The following FNDC3A variants were observed in gnomAD, a reference collection of about 807,000 sequenced individuals.
The protein encoded by FNDC3A is fibronectin type-III domain-containing protein 3A.
In FNDC3A, 32 loss-of-function variants were observed where a neutral mutation model predicts 148.9. The observed-to-expected ratio is 0.21, with a 90% confidence interval of 0.16 to 0.29. The LOEUF is 0.29. FNDC3A is among the 10% of genes least tolerant of loss of function. The probability of loss-of-function intolerance (pLI) is 1.00; values close to 1 mark genes in which losing one functional copy is unlikely to be tolerated. For synonymous variants in FNDC3A, 472 were observed against 473.6 expected (o/e 1.00, Z 0.04); for missense variants, 1,191 against 1,452.8 (o/e 0.82, Z 2.93).
intron 2 of FNDC3A, among the ~76,000 whole-genome samples, chr13:49,020,525 G>C (rs1873240885): frequency 6.6e-6 from 1 of 152,226 alleles, no homozygotes; most frequent in African/African-American, 2.4e-5. Context: ...TCACAGGTTT[G>C]CTGTGGCTGT....
intron 2 of FNDC3A, among the ~76,000 whole-genome samples, chr13:49,013,895 A>G (rs182762765): frequency 4.0e-5 from 6 of 151,454 alleles, no homozygotes; most frequent in South Asian, 2.1e-4. Flanking sequence ...ATGATTTCCA[A>G]TTTCATCCAT....
chr13:49,037,719 C>A (rs982163870), intron 2 of FNDC3A, among the ~76,000 whole-genome samples: 1 of 152,210 alleles, frequency 6.6e-6, no homozygotes, highest in African/African-American at 2.4e-5. Flanking sequence ...CAGAGGCATG[C>A]CTCTCTGTTC....
rs1593761421 is a variant in FNDC3A at position 49,209,754 on chromosome 13, A to T, written c.*2359A>T. On this transcript the variant is annotated 3_prime_UTR_variant, in exon 26 of 26. Coordinates refer to ENST00000492622, the MANE Select transcript of FNDC3A (RefSeq NM_001079673.2). Reference sequence around the variant, plus strand: ...ATATTTATTATATAAAGCCCAGTAAAGAATAAAATTAGAAGTTTTATCCTA... The same window carrying T: ...ATATTTATTATATAAAGCCCAGTAATGAATAAAATTAGAAGTTTTATCCTA... The T allele has an allele frequency of 6.6e-6, 1 of 152,242 alleles. No individual in the cohort carries two copies. 9.4% of individuals were successfully genotyped at this position (152,242 alleles called of 1,614,324 possible). A position where few individuals can be genotyped will look rare whatever the true frequency, so the allele number is the denominator to read the frequency against.
chr13:49,146,254 A>C (rs1218097268), intron 8 of FNDC3A: 5 of 211,168 alleles, frequency 2.4e-5, no homozygotes, highest in Non-Finnish European at 4.7e-5. Flanking sequence ...CATGACCAAA[A>C]ATGGACAATT....
At chr13:49,025,404 G>A (rs887793620) in intron 2 of FNDC3A, among the ~76,000 whole-genome samples, 8 of 151,938 alleles carry the variant, frequency 5.3e-5, no homozygotes, top group African/African-American at 1.7e-4. Flanking sequence ...ACATTCTAAA[G>A]TAATTCTTTA....
At chr13:49,011,136 T>C (rs571408051) in intron 2 of FNDC3A, among the ~76,000 whole-genome samples, 1 of 152,290 alleles carries the variant, frequency 6.6e-6, no homozygotes, top group Non-Finnish European at 1.5e-5. Flanking sequence ...AATCAAACTG[T>C]TAATATATAT....
At chr13:49,030,802 A>C (rs1426049900) in intron 2 of FNDC3A, among the ~76,000 whole-genome samples, 1 of 152,216 alleles carries the variant, frequency 6.6e-6, no homozygotes, top group African/African-American at 2.4e-5. Context: ...TAATGAAAGA[A>C]ATATAAGATG....
intron 1 of FNDC3A, among the ~76,000 whole-genome samples, chr13:49,005,352 A>T (rs1952201873): frequency 6.6e-6 from 1 of 151,928 alleles, no homozygotes; most frequent in Admixed American, 6.6e-5. Flanking sequence ...ATTTATGATT[A>T]TACTCAATTT....
chr13:49,019,932 A>T (rs1158394882), intron 2 of FNDC3A, among the ~76,000 whole-genome samples: 1 of 152,202 alleles, frequency 6.6e-6, no homozygotes, highest in African/African-American at 2.4e-5. Flanking sequence ...TTGTTCAGTG[A>T]AATCTTCTGA....
intron 2 of FNDC3A, among the ~76,000 whole-genome samples, chr13:49,055,152 G>T (rs993794561): frequency 7.9e-5 from 12 of 151,620 alleles, no homozygotes; most frequent in Non-Finnish European, 1.3e-4. Flanking sequence ...TGCCCAGGCT[G>T]GGGTGCGGTG....
chr13:48,983,370 G>A (rs1951729949), intron 1 of FNDC3A, among the ~76,000 whole-genome samples: 1 of 152,110 alleles, frequency 6.6e-6, no homozygotes, highest in African/African-American at 2.4e-5. Context: ...AACTCCTTGA[G>A]TTTGACCAGT....
chr13:49,016,639 G>C (rs1872805289), intron 2 of FNDC3A, among the ~76,000 whole-genome samples: 1 of 151,796 alleles, frequency 6.6e-6, no homozygotes, highest in Non-Finnish European at 1.5e-5. Flanking sequence ...CTTGCCTTCT[G>C]CTAGCTTTTG....
At chr13:49,137,061 A>G (rs1852898564) in intron 6 of FNDC3A, among the ~76,000 whole-genome samples, 1 of 152,024 alleles carries the variant, frequency 6.6e-6, no homozygotes. Context: ...TCCTGGGCTC[A>G]AGCAGTCCTC....
At chr13:49,108,020 G>A (rs1329520510) in intron 3 of FNDC3A, among the ~76,000 whole-genome samples, 1 of 152,078 alleles carries the variant, frequency 6.6e-6, no homozygotes, top group Non-Finnish European at 1.5e-5. Flanking sequence ...TCACTATGAA[G>A]AACAAATGTA....
intron 9 of FNDC3A, 29 bp from the exon 10 acceptor site, chr13:49,168,584 A>G: frequency 6.4e-7 from 1 of 1,567,544 alleles, no homozygotes; most frequent in Admixed American, 1.7e-5. Flanking sequence ...TGATTATGAA[A>G]GGTAAAACTA....
chr13:49,119,213 A>G (rs1486686116), intron 4 of FNDC3A, among the ~76,000 whole-genome samples: 1 of 152,178 alleles, frequency 6.6e-6, no homozygotes, highest in African/African-American at 2.4e-5. Context: ...CCAGGCAAAC[A>G]GGGTCTGAGT....
At chr13:49,110,289 T>C in intron 3 of FNDC3A, 1 of 1,519,384 alleles carries the variant, frequency 6.6e-7, no homozygotes, top group Non-Finnish European at 8.9e-7. Context: ...TCTTTTCCTC[T>C]TACAGCCTTG....
intron 8 of FNDC3A, among the ~76,000 whole-genome samples, chr13:49,153,204 T>G (rs1260176584): frequency 6.6e-6 from 1 of 150,944 alleles, no homozygotes; most frequent in Non-Finnish European, 1.5e-5. Context: ...TTTTAATGAT[T>G]GCCATTCTAA....
chr13:49,086,260 A>T (rs1162617925), intron 3 of FNDC3A, among the ~76,000 whole-genome samples: 1 of 152,116 alleles, frequency 6.6e-6, no homozygotes, highest in Non-Finnish European at 1.5e-5. Flanking sequence ...AAGATGGTTT[A>T]TTTCTTTTGA....
Sources: allele counts gnomAD v4.1 joint callset (sites outside exome capture counted in the v4.1 genomes callset), GRCh38; gene constraint gnomAD v4.1.1; transcripts MANE v1.5; gene names NCBI Gene and HGNC (gene_info 2026-07-23, HGNC 2026-07-21).